The following SEMA5B variants were observed in gnomAD, a reference collection of about 807,000 sequenced individuals.
SEMA5B encodes the protein semaphorin 5B.
A neutral mutation model predicts 135.0 loss-of-function variants in SEMA5B; 66 were observed. The observed-to-expected ratio is 0.49, with a 90% confidence interval of 0.40 to 0.60. SEMA5B has a LOEUF of 0.60. Ranked by LOEUF, SEMA5B falls within the 20% of genes least tolerant of loss-of-function variation. The probability of loss-of-function intolerance (pLI) is 0.00; values close to 1 mark genes in which losing one functional copy is unlikely to be tolerated. For missense variants in SEMA5B, 1,501 were observed against 1,566.3 expected, an observed-to-expected ratio of 0.96 and a Z score of 0.70; for synonymous variants, 690 against 639.5, an observed-to-expected ratio of 1.08 and a Z score of -1.19.
At chr3:122,958,279 T>C in intron 2 of SEMA5B, 1 of 152,462 alleles carries the variant, frequency 6.6e-6, no homozygotes, top group Non-Finnish European at 1.5e-5. Context: ...CCAGGTCCCC[T>C]CCATCCTTGC....
Position 122,926,483 on chromosome 3 carries a change from G to C in SEMA5B, c.1045C>G (p.Pro349Ala). Residue 349 changes from proline to alanine, a missense_variant, in exon 9 of 23, where the codon CCG (proline) becomes GCG (alanine). By Grantham distance (27) the Pro-to-Ala change is conservative. Coordinates refer to ENST00000357599, the MANE Select transcript of SEMA5B (RefSeq NM_001031702.4). ...FMKARLNCSR[P>A]GEVPFYYNEL... Reference sequence around the variant, plus strand: ...TTATAGTAGAAGGGGACCTCGCCCGGGCGGGAGCAGTTGAGCCGGGCCTTC... The same window carrying C: ...TTATAGTAGAAGGGGACCTCGCCCGCGCGGGAGCAGTTGAGCCGGGCCTTC... 2 of 1,614,228 alleles carry C rather than the reference G, an allele frequency of 1.2e-6. No individual in the cohort carries two copies. Among genetic ancestry groups the C allele is most frequent in the Non-Finnish European group, 1.7e-6 (2 of 1,180,038 alleles).
chr3:122,947,850 C>A (rs1350136216), intron 3 of SEMA5B, among the ~76,000 whole-genome samples: 4 of 152,144 alleles, frequency 2.6e-5, no homozygotes, highest in Non-Finnish European at 5.9e-5. Flanking sequence ...TGACCCCCCC[C>A]AAACTGTGTA....
chr3:122,993,341 AG>A (rs1021974144), intron 1 of SEMA5B: 4 of 152,290 alleles, frequency 2.6e-5, no homozygotes, highest in Non-Finnish European at 5.9e-5. Flanking sequence ...CAGCTGGCCA[AG>A]CCCTGGCCAC....
At chr3:122,985,380 T>C (rs2107696271) in intron 1 of SEMA5B, among the ~76,000 whole-genome samples, 1 of 152,134 alleles carries the variant, frequency 6.6e-6, no homozygotes, top group East Asian at 1.9e-4. Flanking sequence ...CACTTGCCTG[T>C]AGTTCTAGCT....
In SEMA5B at chr3:122,998,370, T is replaced by A. The variant is rs1274838906; in HGVS notation, c.-39+29094A>T. ...TGGGATCAAGAACCTTGCCGAATCC[T>A]GATCTGTCACTTATCAGCTCCTTGA... On this transcript the variant is annotated intron_variant, in intron 1 of 22. Coordinates refer to ENST00000357599, the MANE Select transcript of SEMA5B (RefSeq NM_001031702.4). Among the ~76,000 whole-genome samples the A allele has an allele frequency of 2.0e-5, 3 of 152,206 alleles. No homozygotes were observed. The East Asian group carries it at 5.8e-4, about 29-fold the overall frequency.
At chr3:123,001,884 GC>G (rs1160819260) in intron 1 of SEMA5B, among the ~76,000 whole-genome samples, 1 of 152,186 alleles carries the variant, frequency 6.6e-6, no homozygotes, top group African/African-American at 2.4e-5. Flanking sequence ...GCTGGGAGCT[GC>G]TCATTCCTCC....
chr3:122,914,060 T>C, intron 14 of SEMA5B, 59 bp from the exon 15 acceptor site: 1 of 1,492,392 alleles, frequency 6.7e-7, no homozygotes, highest in Non-Finnish European at 8.9e-7. Flanking sequence ...TTCTTAGATC[T>C]AGTCTGTCTC....
chr3:122,937,484 A>G (rs970704657), intron 5 of SEMA5B, among the ~76,000 whole-genome samples: 1 of 152,206 alleles, frequency 6.6e-6, no homozygotes, highest in African/African-American at 2.4e-5. Flanking sequence ...ACGTGGACAT[A>G]AAATGTATTT....
intron 4 of SEMA5B, among the ~76,000 whole-genome samples, chr3:122,940,507 C>G (rs1354984276): frequency 6.6e-6 from 1 of 152,206 alleles, no homozygotes; most frequent in Non-Finnish European, 1.5e-5. Context: ...GTTCTTCTGT[C>G]TTCTTTGGGC....
intron 2 of SEMA5B, among the ~76,000 whole-genome samples, chr3:122,954,781 G>C (rs866345644): frequency 6.7e-6 from 1 of 149,886 alleles, no homozygotes; most frequent in African/African-American, 2.5e-5. Context: ...TGGGCCCTGT[G>C]GGGTGGTCAT....
At chr3:123,006,536 AG>A (rs1942315864) in intron 1 of SEMA5B, among the ~76,000 whole-genome samples, 1 of 152,228 alleles carries the variant, frequency 6.6e-6, no homozygotes, top group South Asian at 2.1e-4. Flanking sequence ...CAACCTTCTA[AG>A]GGGCTTGCTG....
intron 1 of SEMA5B, chr3:122,975,882 A>T: frequency 7.4e-7 from 1 of 1,344,268 alleles, no homozygotes. Flanking sequence ...CTGCATAGCA[A>T]GGACTCTCCA....
chr3:122,930,358 G>A (rs1321580176), intron 5 of SEMA5B, among the ~76,000 whole-genome samples: 1 of 152,208 alleles, frequency 6.6e-6, no homozygotes, highest in Non-Finnish European at 1.5e-5. Context: ...CCTTGGAGAA[G>A]AGCAAAGGAC....
At chr3:122,935,928 G>A (rs1939256482) in intron 5 of SEMA5B, among the ~76,000 whole-genome samples, 1 of 151,920 alleles carries the variant, frequency 6.6e-6, no homozygotes, top group Admixed American at 6.6e-5. Context: ...TCTGACCTCA[G>A]GTGATCCGCC....
intron 1 of SEMA5B, among the ~76,000 whole-genome samples, chr3:123,017,733 C>A (rs1942594177): frequency 6.6e-6 from 1 of 152,026 alleles, no homozygotes; most frequent in South Asian, 2.1e-4. Flanking sequence ...TATGGTGAAA[C>A]CTCATCTCTT....
chr3:122,922,505 G>C, intron 10 of SEMA5B, 58 bp from the exon 11 acceptor site: 1 of 1,491,008 alleles, frequency 6.7e-7, no homozygotes, highest in Non-Finnish European at 9.0e-7. Context: ...GCCATCCCCC[G>C]CCGGCTCCCT....
chr3:123,010,404 C>G (rs757383612), intron 1 of SEMA5B, among the ~76,000 whole-genome samples: 1 of 152,168 alleles, frequency 6.6e-6, no homozygotes. Context: ...AGATAATGTA[C>G]AGAAGGCATT....
intron 1 of SEMA5B, among the ~76,000 whole-genome samples, chr3:123,026,537 T>C (rs1942804107): frequency 6.6e-6 from 1 of 152,006 alleles, no homozygotes; most frequent in Non-Finnish European, 1.5e-5. Context: ...AGGAGTCGGC[T>C]CCGTTGGGCC....
At chr3:123,007,688 C>T (rs763527760) in intron 1 of SEMA5B, among the ~76,000 whole-genome samples, 14 of 152,140 alleles carry the variant, frequency 9.2e-5, no homozygotes, top group Admixed American at 2.0e-4. Flanking sequence ...TACCCTGCAC[C>T]ACCTTGGGAT....
Sources: allele counts gnomAD v4.1 joint callset (sites outside exome capture counted in the v4.1 genomes callset), GRCh38; gene constraint gnomAD v4.1.1; transcripts MANE v1.5; gene names NCBI Gene and HGNC (gene_info 2026-07-23, HGNC 2026-07-21).